The following NPAT variants were observed in gnomAD, a reference collection of about 807,000 sequenced individuals.
NPAT encodes the protein protein NPAT.
Under a neutral mutation model 130.7 loss-of-function variants are expected in NPAT, and 52 were observed. The observed-to-expected ratio is 0.40, with a 90% CI of 0.32 to 0.50. NPAT has a LOEUF of 0.50. Ranked by LOEUF, NPAT falls within the 20% of genes least tolerant of loss-of-function variation. The pLI, the probability that NPAT is intolerant of heterozygous loss-of-function variation, is 0.68. For missense variants in NPAT, 1,687 were observed against 1,662.6 expected (o/e 1.01, Z -0.26); for synonymous variants, 580 against 584.8 (o/e 0.99, Z 0.12).
At position 108,173,630 on chromosome 11, in the gene NPAT, C is replaced by G. The variant is rs1360998752; in HGVS notation, c.1354G>C (p.Asp452His). Residue 452 changes from aspartate to histidine, a missense_variant, in exon 13 of 18, where the codon GAC becomes CAC. Asp to His is a moderately conservative substitution (Grantham distance 81). Around this residue, in one of 3 missense-constraint regions of NPAT, gnomAD observed 1,379 missense variants for 1,346.6 expected, o/e 1.02. Coordinates refer to ENST00000278612, the MANE Select transcript of NPAT (RefSeq NM_002519.3). Reference sequence around the variant, plus strand: ...TTAGAATTCCCTCTTTGGTTAAAGTCATTCAAATTAGGCACGGACTCAAAG... The same window carrying G: ...TTAGAATTCCCTCTTTGGTTAAAGTGATTCAAATTAGGCACGGACTCAAAG... ...ITFESVPNLN[D>H]FNQRGNSNAE... The G allele has an allele frequency of 1.2e-6, 2 of 1,614,042 alleles. No individual in the cohort carries two copies. Among genetic ancestry groups the G allele is most frequent in the Non-Finnish European group, 1.7e-6 (2 of 1,180,038 alleles).
chr11:108,206,565 A>C (rs2078327041), intron 1 of NPAT, among the ~76,000 whole-genome samples: 1 of 152,102 alleles, frequency 6.6e-6, no homozygotes, highest in South Asian at 2.1e-4. Context: ...TGAAGCTTGG[A>C]GACATCAAGA....
chr11:108,187,686 G>A (rs489482), intron 7 of NPAT, among the ~76,000 whole-genome samples: 149,131 of 152,220 alleles, frequency 0.98, 73,115 homozygotes, highest in East Asian at 1. Context: ...AAGTGTTTTG[G>A]GAAAAACACT....
At chr11:108,184,625 A>G (rs1344636664) in intron 10 of NPAT, among the ~76,000 whole-genome samples, 6 of 152,092 alleles carry the variant, frequency 3.9e-5, no homozygotes, top group Admixed American at 3.9e-4. Context: ...CCGCCCTCCC[A>G]GATTCAAGGA....
chr11:108,160,054 G>A (rs1330350271), intron 17 of NPAT, among the ~76,000 whole-genome samples: 3 of 151,960 alleles, frequency 2.0e-5, no homozygotes, highest in African/African-American at 7.3e-5. Flanking sequence ...AGGGGGCTGA[G>A]GCAGGGAATT....
chr11:108,200,352 T>C (rs890659762), intron 1 of NPAT, among the ~76,000 whole-genome samples: 2 of 152,184 alleles, frequency 1.3e-5, no homozygotes, highest in African/African-American at 4.8e-5. Context: ...TTAGTTATAG[T>C]TGAGGGGACC....
intron 1 of NPAT, among the ~76,000 whole-genome samples, chr11:108,216,130 G>A (rs1322751433): frequency 1.3e-5 from 2 of 152,184 alleles, no homozygotes; most frequent in African/African-American, 4.8e-5. Flanking sequence ...AATTAGGACA[G>A]TTGGAGCTTT....
At chr11:108,177,840 C>T (rs2078023649) in intron 10 of NPAT, among the ~76,000 whole-genome samples, 1 of 152,080 alleles carries the variant, frequency 6.6e-6, no homozygotes, top group Admixed American at 6.6e-5. Context: ...CTCACCTCAG[C>T]CTTCTGAGTA....
intron 5 of NPAT, 135 bp from the exon 6 acceptor site, chr11:108,189,465 A>T: frequency 1.3e-6 from 1 of 741,350 alleles, no homozygotes; most frequent in South Asian, 1.5e-5. Context: ...TAAATATATC[A>T]ACTAAATTTA....
At chr11:108,181,739 A>AT (rs1194873335) in intron 10 of NPAT, among the ~76,000 whole-genome samples, 1 of 146,180 alleles carries the variant, frequency 6.8e-6, no homozygotes, top group African/African-American at 2.5e-5. Context: ...GGTCATAATA[A>AT]AAAAAAAAAA....
intron 15 of NPAT, among the ~76,000 whole-genome samples, chr11:108,164,868 G>C (rs892340048): frequency 6.6e-6 from 1 of 152,024 alleles, no homozygotes; most frequent in Non-Finnish European, 1.5e-5. Flanking sequence ...AAAAATAGCT[G>C]GGCATGGTGA....
chr11:108,182,097 G>A (rs2078063634), intron 10 of NPAT, among the ~76,000 whole-genome samples: 1 of 152,160 alleles, frequency 6.6e-6, no homozygotes. Context: ...GCTGTGTCTT[G>A]CTGACCCAGA....
chr11:108,190,014 A>G (rs1010586380), intron 5 of NPAT, among the ~76,000 whole-genome samples: 2 of 151,462 alleles, frequency 1.3e-5, no homozygotes, highest in Non-Finnish European at 2.9e-5. Flanking sequence ...AACTGTACTT[A>G]GAAAAACGGT....
chr11:108,186,540 G>A lies in NPAT; in HGVS notation c.668C>T (p.Ser223Phe). 1 of 1,614,042 alleles carries A rather than the reference G, an allele frequency of 6.2e-7. No individual in the cohort carries two copies. The highest frequency in any genetic ancestry group is 1.7e-5 in the Admixed American group (1 of 60,020). ...ATTCCGTATTGTTGAATGAGGGCCA[G>A]ACAAAGTGGTACTTTTTCTCTGAGA... ...SESQRKSTTLSGPHSTIRNFQ... is the reference protein window; with the variant it reads ...SESQRKSTTLFGPHSTIRNFQ... The change falls in exon 8 of 18, where the codon TCT (serine) becomes TTT (phenylalanine). Residue 223 changes from serine (S) to phenylalanine (F), a missense_variant. Transcript: ENST00000278612.
Position 108,172,944 on chromosome 11 carries a change from A to G in NPAT, c.2040T>C (p.Ala680=), listed in dbSNP as rs902350877. The change falls in exon 13 of 18, where the codon GCT becomes GCC. Residue 680 remains alanine, a synonymous_variant. Coordinates refer to ENST00000278612, the MANE Select transcript of NPAT (RefSeq NM_002519.3). ...GCGTCAGTGCAACTTTCTCACAGTT[A>G]GCATTTCCACCTAAAGAGAGAAAAA... ...NTIFLSLGGN[A]NCEKVALTPP... 6.2e-7 allele frequency: 1 copy of G among 1,614,176 alleles called. No homozygotes were observed. Among genetic ancestry groups the G allele is most frequent in the African/African-American group, 1.3e-5 (1 of 75,062 alleles).
intron 6 of NPAT, 29 bp downstream of exon 6, chr11:108,189,077 A>G (rs746859826): frequency 6.4e-7 from 1 of 1,569,426 alleles, no homozygotes; most frequent in Non-Finnish European, 8.8e-7. Flanking sequence ...ATTAACAACA[A>G]AATTTAAGAG....
chr11:108,194,916 T>C (rs890146438), intron 2 of NPAT, among the ~76,000 whole-genome samples: 1 of 151,996 alleles, frequency 6.6e-6, no homozygotes, highest in Non-Finnish European at 1.5e-5. Flanking sequence ...CTCTGTCTCC[T>C]GGGTTCAAGC....
intron 4 of NPAT, among the ~76,000 whole-genome samples, chr11:108,190,791 G>A (rs957231116): frequency 2.0e-5 from 3 of 152,136 alleles, no homozygotes; most frequent in African/African-American, 7.2e-5. Context: ...ATGCAATCTG[G>A]GCTGGGTATG....
rs187920471 is a variant in NPAT at position 108,190,422 on chromosome 11, G to A, written c.331+38C>T. The A allele has an allele frequency of 2.1e-5, 32 of 1,535,282 alleles. No homozygotes were observed. In the East Asian group the frequency reaches 7.2e-4, roughly 34 times the overall value. ...AATGTTCATCTGATAGTTTAAGTTT[G>A]AAGTAATTGTGAACATTGTTTAAAG... On this transcript the variant is annotated intron_variant, in intron 5 of 17. Transcript: ENST00000278612.
chr11:108,159,048 C>T lies in NPAT; in HGVS notation c.4207-29G>A, dbSNP rs769054271. The T allele has an allele frequency of 8.0e-6, 12 of 1,504,310 alleles. No homozygotes were observed. In the African/African-American group the frequency reaches 1.6e-4, roughly 21 times the overall value. 93.2% of individuals were successfully genotyped at this position (1,504,310 alleles called of 1,614,324 possible). ...TTGAAAAAGAGAAAGAAAAAATAAA[C>T]TCAAAACAAGGCCAAAATGCTTTCT... is the stretch of plus-strand genomic sequence containing the variant. On this transcript the variant is annotated intron_variant, in intron 17 of 17. Transcript: ENST00000278612.
Sources: gnomAD v4.1 joint callset for allele counts (sites outside exome capture counted in the v4.1 genomes callset) on GRCh38, gnomAD v4.1.1 for gene constraint, gnomAD v4.1.1 regional missense constraint, MANE v1.5 for transcripts, NCBI Gene and HGNC (gene_info 2026-07-23, HGNC 2026-07-21) for gene names.